Variants in COP1 observed in about 807,000 individuals in gnomAD.
COP1 encodes COP1 E3 ubiquitin ligase.
COP1 carries 24 observed loss-of-function variants against 101.3 expected under a neutral mutation model. That is an observed-to-expected ratio of 0.24 (90% CI 0.17 to 0.33). COP1 has a LOEUF of 0.33. Ranked by LOEUF, COP1 falls within the 10% of genes least tolerant of loss-of-function variation. COP1 has a pLI of 1.00. For missense variants in COP1, 663 were observed against 906.2 expected, an observed-to-expected ratio of 0.73 and a Z score of 3.45; for synonymous variants, 347 against 341.9, an observed-to-expected ratio of 1.01 and a Z score of -0.17.
chr1:176,088,226 A>T (rs1308586033), intron 9 of COP1, among the ~76,000 whole-genome samples: 1 of 145,620 alleles, frequency 6.9e-6, no homozygotes, highest in African/African-American at 2.5e-5. Context: ...CACATTGTGC[A>T]CATGTACCCT....
intron 2 of COP1, among the ~76,000 whole-genome samples, chr1:176,182,722 G>A (rs761859096): frequency 1.3e-5 from 2 of 152,146 alleles, no homozygotes; most frequent in African/African-American, 2.4e-5. Flanking sequence ...CACTACTGCC[G>A]AACAATGGCC....
intron 11 of COP1, among the ~76,000 whole-genome samples, chr1:176,057,593 TC>T (rs1488904824): frequency 2.0e-5 from 3 of 152,180 alleles, no homozygotes; most frequent in African/African-American, 7.2e-5. Flanking sequence ...AGCCTCGGCC[TC>T]CCGAGGTGCC....
chr1:176,028,852 G>A (rs528481794), intron 14 of COP1, among the ~76,000 whole-genome samples: 2 of 151,018 alleles, frequency 1.3e-5, no homozygotes, highest in African/African-American at 4.9e-5. Context: ...CTACCTCCTA[G>A]GCTCAGGTGA....
chr1:176,004,415 T>A (rs2148891332), intron 15 of COP1, among the ~76,000 whole-genome samples: 1 of 122,856 alleles, frequency 8.1e-6, no homozygotes, highest in East Asian at 2.9e-4. Context: ...AGAGAGGGCA[T>A]CCCTGTCTTG....
chr1:176,193,478 G>A (rs1699326695), intron 1 of COP1, among the ~76,000 whole-genome samples: 1 of 151,994 alleles, frequency 6.6e-6, no homozygotes, highest in South Asian at 2.1e-4. Context: ...ATGTTCACGG[G>A]AACATTATTC....
intron 5 of COP1, among the ~76,000 whole-genome samples, chr1:176,159,456 A>G (rs1693959417): frequency 6.6e-6 from 1 of 152,222 alleles, no homozygotes; most frequent in South Asian, 2.1e-4. Context: ...CAATCTGTCA[A>G]TATCAAATAT....
intron 3 of COP1, among the ~76,000 whole-genome samples, chr1:176,169,670 C>T (rs2101841044): frequency 6.6e-6 from 1 of 152,298 alleles, no homozygotes; most frequent in Middle Eastern, 3.4e-3. Flanking sequence ...AAGTCATAAT[C>T]TTTTTGCTGG....
intron 18 of COP1, among the ~76,000 whole-genome samples, chr1:175,973,201 A>C (rs1653705414): frequency 6.6e-6 from 1 of 152,198 alleles, no homozygotes; most frequent in Non-Finnish European, 1.5e-5. Flanking sequence ...AAGATACTAT[A>C]ATCAGTACTG....
intron 1 of COP1, among the ~76,000 whole-genome samples, chr1:176,193,875 G>A (rs985279250): frequency 1.3e-4 from 20 of 152,136 alleles, no homozygotes; most frequent in African/African-American, 4.8e-4. Context: ...CAGTGGTGAT[G>A]GTTGTGAAAC....
chr1:176,185,023 C>A (rs1021878374), intron 1 of COP1, among the ~76,000 whole-genome samples: 1 of 151,958 alleles, frequency 6.6e-6, no homozygotes, highest in African/African-American at 2.4e-5. Context: ...AAAGCTCTAC[C>A]ATCGTTTTCC....
chr1:176,207,070 C>T lies in COP1; in HGVS notation c.-92G>A. On this transcript the variant is annotated 5_prime_UTR_variant, in exon 1 of 20. Coordinates refer to ENST00000367669, the MANE Select transcript of COP1 (RefSeq NM_022457.7). ...TCCCCTCCCCTCAGCCTCAGTGCAT[C>T]CTGAGGACGCCCGCCGAGCCGGAGG... is the stretch of plus-strand genomic sequence containing the variant. 1 of 1,053,358 alleles carries T rather than the reference C, an allele frequency of 9.5e-7. No individual in the cohort carries two copies. The highest frequency in any genetic ancestry group is 1.3e-6 in the Non-Finnish European group (1 of 799,914). 65.3% of individuals were successfully genotyped at this position (1,053,358 alleles called of 1,614,324 possible). A position where few individuals can be genotyped will look rare whatever the true frequency, so the allele number is the denominator to read the frequency against.
chr1:176,133,268 GTA>G (rs199624244), intron 8 of COP1, among the ~76,000 whole-genome samples: 1 of 149,616 alleles, frequency 6.7e-6, no homozygotes, highest in African/African-American at 2.5e-5. Flanking sequence ...ATATACGTAC[GTA>G]TATATATACG....
intron 9 of COP1, among the ~76,000 whole-genome samples, chr1:176,102,130 GA>G (rs1266803351): frequency 6.6e-6 from 1 of 152,104 alleles, no homozygotes; most frequent in Non-Finnish European, 1.5e-5. Flanking sequence ...GGGGCCTCAG[GA>G]AGTTTGTGCC....
rs149609993 is a variant in COP1 at position 176,080,922 on chromosome 1, C to T, written c.1277+230G>A. 9.4e-4 allele frequency among the ~76,000 whole-genome samples: 143 copies of T among 152,128 alleles called. No homozygotes were observed. In the Middle Eastern group the frequency reaches 0.014, roughly 15 times the overall value. On this transcript the variant is annotated intron_variant, in intron 11 of 19. Coordinates refer to ENST00000367669, the MANE Select transcript of COP1 (RefSeq NM_022457.7). ...TCATCAAAACTAGACAATGATAGTA[C>T]AAGAAAACAAGCTACAACCTTATGA...
chr1:176,179,840 C>T (rs1473987867), intron 2 of COP1, among the ~76,000 whole-genome samples: 2 of 150,488 alleles, frequency 1.3e-5, no homozygotes, highest in East Asian at 3.9e-4. Flanking sequence ...CATCAATAGG[C>T]TTACTACACT....
chr1:175,955,800 A>ACACACACACACACACG (rs1320540789), intron 18 of COP1, among the ~76,000 whole-genome samples: 1 of 151,450 alleles, frequency 6.6e-6, no homozygotes, highest in Admixed American at 6.6e-5. Context: ...ACACACACAC[A>ACACACACACACACACG]CGGCCTACAT....
At chr1:176,132,567 GTATA>G (rs906873569) in intron 8 of COP1, among the ~76,000 whole-genome samples, 2 of 144,402 alleles carry the variant, frequency 1.4e-5, no homozygotes, top group Admixed American at 7.0e-5. Context: ...ACATATGTAC[GTATA>G]TATACTATAT....
chr1:175,996,229 G>C (rs1014900862), intron 15 of COP1, among the ~76,000 whole-genome samples: 1 of 152,106 alleles, frequency 6.6e-6, no homozygotes, highest in African/African-American at 2.4e-5. Flanking sequence ...AATAAATTAG[G>C]TTTTGATGGG....
chr1:176,151,421 C>T (rs1052979821), intron 5 of COP1, among the ~76,000 whole-genome samples: 1 of 139,098 alleles, frequency 7.2e-6, no homozygotes, highest in Non-Finnish European at 1.6e-5. Flanking sequence ...AAGAAAGAAA[C>T]ATATTTAGAA....
Sources: gnomAD v4.1 joint callset for allele counts (sites outside exome capture counted in the v4.1 genomes callset) on GRCh38, gnomAD v4.1.1 for gene constraint, MANE v1.5 for transcripts, NCBI Gene and HGNC (gene_info 2026-07-23, HGNC 2026-07-21) for gene names.